CD101: variants seen among roughly 807,000 people sequenced by gnomAD.
The protein encoded by CD101 is immunoglobulin superfamily member 2.
In CD101, 76 loss-of-function variants were observed where a neutral mutation model predicts 98.2. The observed-to-expected ratio is 0.77, with a 90% CI of 0.64 to 0.94. CD101 has a LOEUF of 0.94. CD101 is among the 40% of genes least tolerant of loss of function. CD101 has a pLI of 0.00. For missense variants in CD101, 1,145 were observed against 1,218.8 expected, an observed-to-expected ratio of 0.94 and a Z score of 0.90; for synonymous variants, 471 against 472.7, an observed-to-expected ratio of 1.00 and a Z score of 0.05.
chr1:117,017,575 G>A, intron 5 of CD101, 102 bp downstream of exon 5: 1 of 1,177,802 alleles, frequency 8.5e-7, no homozygotes, highest in Non-Finnish European at 1.2e-6. Context: ...GTGATGGTAT[G>A]TGTACCCTAG....
Position 117,027,962 on chromosome 1 carries a change from G to A in CD101, c.2824+2058G>A, listed in dbSNP as rs1036518734. On this transcript the variant is annotated intron_variant, in intron 8 of 9. Transcript: ENST00000682167. ...TAGCCGGGCATGGTGGCCCATGCCT[G>A]TAATCCCAGCTACTCGGGAGGCTGA... is the stretch of plus-strand genomic sequence containing the variant. Among the ~76,000 whole-genome samples the A allele has an allele frequency of 2.0e-5, 3 of 152,154 alleles. No homozygotes were observed. In the East Asian group the frequency reaches 5.8e-4, roughly 29 times the overall value.
chr1:117,027,634 T>G (rs1198067350), intron 8 of CD101, among the ~76,000 whole-genome samples: 2 of 151,964 alleles, frequency 1.3e-5, no homozygotes, highest in Admixed American at 6.5e-5. Flanking sequence ...ATGAGACCAG[T>G]GAGGAGGGAA....
Position 117,018,329 on chromosome 1 carries a change from A to G in CD101, c.1786A>G (p.Thr596Ala), listed in dbSNP as rs779537029. Residue 596 changes from threonine to alanine, a missense_variant, in exon 6 of 10, where the codon ACC becomes GCC. Coordinates refer to ENST00000682167, the MANE Select transcript of CD101 (RefSeq NM_001256106.3). This position sits in a 1 kb window ranked among gnomAD's most constrained non-coding sequence, Gnocchi z 4.3. ...SHIFHQLIRI[T>A]HNGTIEWGNF... ...CATCTTCCACCAGCTTATTCGAATC[A>G]CCCACAATGGCACTATTGAATGGGG... The G allele has an allele frequency of 1.9e-6, 3 of 1,614,014 alleles. No homozygotes were observed. Among genetic ancestry groups the G allele is most frequent in the Non-Finnish European group, 2.5e-6 (3 of 1,180,022 alleles).
rs1020615667 is a variant in CD101, at chr1:117,018,790, T to C, written c.2017+230T>C. On this transcript the variant is annotated intron_variant, in intron 6 of 9. Transcript: ENST00000682167. This position sits in a 1 kb window ranked among gnomAD's most constrained non-coding sequence, Gnocchi z 4.3. ...ACCTTCCATGCTGGCTAATTGCTGC[T>C]CTCTACCCATTCCCCATTTTCCCCT... 6.6e-6 allele frequency among the ~76,000 whole-genome samples: 1 copy of C among 152,306 alleles called. No individual in the cohort carries two copies. The highest frequency in any genetic ancestry group is 1.5e-5 in the Non-Finnish European group (1 of 68,026).
chr1:117,032,867 T>A (rs1479843906), intron 8 of CD101: 1 of 152,370 alleles, frequency 6.6e-6, no homozygotes, highest in African/African-American at 2.4e-5. Flanking sequence ...TCTGCGTGTG[T>A]ATCTGCTGAT....
chr1:117,009,788 G>A (rs1313965886), intron 1 of CD101, 62 bp from the exon 2 acceptor site: 8 of 1,501,378 alleles, frequency 5.3e-6, no homozygotes, highest in Non-Finnish European at 1.8e-6. Context: ...TACATAACGT[G>A]GTACACTGGG....
Position 117,021,992 on chromosome 1 carries a change from T to C in CD101, c.2428+9T>C. 1 of 1,593,250 alleles carries C rather than the reference T, an allele frequency of 6.3e-7. No homozygotes were observed. Among genetic ancestry groups the C allele is most frequent in the Non-Finnish European group, 8.5e-7 (1 of 1,170,424 alleles). On this transcript the variant is annotated intron_variant, in intron 7 of 9. Transcript: ENST00000682167. This position sits in a 1 kb window ranked among gnomAD's most constrained non-coding sequence, Gnocchi z 4.7. ...GAAACTCAAGCCCACAGGTAAACCT[T>C]GCGAGTGTATCCTCACAATGTCTGT...
At chr1:117,026,358 T>C (rs1024489924) in intron 8 of CD101, 1 of 156,150 alleles carries the variant, frequency 6.4e-6, no homozygotes, top group Non-Finnish European at 1.4e-5. Context: ...TGAGAACATA[T>C]GGGAACATCT....
rs183647576 is a variant in CD101 at position 117,021,538 on chromosome 1, A to G, written c.2018-35A>G. 5.2e-5 allele frequency: 79 copies of G among 1,523,488 alleles called. No individual in the cohort carries two copies. In the Middle Eastern group the frequency reaches 4.6e-3, roughly 88 times the overall value. 94.4% of individuals were successfully genotyped at this position (1,523,488 alleles called of 1,614,324 possible). On this transcript the variant is annotated intron_variant, in intron 6 of 9. Coordinates refer to ENST00000682167, the MANE Select transcript of CD101 (RefSeq NM_001256106.3). The surrounding 1 kb of genome is among the most constrained non-coding windows in gnomAD (Gnocchi z 4.7). ...CTCTACTACCTTAACTTTCTATTTCATAGCAAAGTAACTGTTTCATTTTTT... is the reference window on the plus strand; with the variant it reads ...CTCTACTACCTTAACTTTCTATTTCGTAGCAAAGTAACTGTTTCATTTTTT...
chr1:117,031,556 G>T (rs1654468463), intron 8 of CD101, among the ~76,000 whole-genome samples: 1 of 152,160 alleles, frequency 6.6e-6, no homozygotes, highest in African/African-American at 2.4e-5. Context: ...CCAAGCCTGG[G>T]GTCCCTGTGG....
rs377288960 is a variant in CD101 at position 117,021,650 on chromosome 1, A to T, written c.2095A>T (p.Ile699Phe). Residue 699 changes from isoleucine (I) to phenylalanine (F), a missense_variant, in exon 7 of 10, where the codon ATC becomes TTC. Coordinates refer to ENST00000682167, the MANE Select transcript of CD101 (RefSeq NM_001256106.3). This position sits in a 1 kb window ranked among gnomAD's most constrained non-coding sequence, Gnocchi z 4.7. Reference sequence around the variant, plus strand: ...CTCCAACACTGATATAGAATGTAGCATCTTGTCCCGGTCCAATGGAAACCT... The same window carrying T: ...CTCCAACACTGATATAGAATGTAGCTTCTTGTCCCGGTCCAATGGAAACCT... The part of the protein sequence containing the change: ...INSNTDIECS[I>F]LSRSNGNLQL... 8.1e-5 allele frequency: 130 copies of T among 1,614,006 alleles called. No individual in the cohort carries two copies. Among genetic ancestry groups the T allele is most frequent in the Non-Finnish European group, 1.1e-4 (128 of 1,179,990 alleles).
Position 117,033,895 on chromosome 1 carries a change from C to T in CD101, c.2860C>T (p.Pro954Ser), listed in dbSNP as rs1450368421. The change falls in exon 9 of 10, where the codon CCT becomes TCT. Residue 954 changes from proline (P) to serine (S), a missense_variant. Physicochemically the swap from Pro to Ser is moderately conservative, Grantham distance 74. Coordinates refer to ENST00000682167, the MANE Select transcript of CD101 (RefSeq NM_001256106.3). The surrounding 1 kb of genome is among the most constrained non-coding windows in gnomAD (Gnocchi z 4.8). ...TLPSRICSSA[P>S]LLYFLFICPF... is the part of the protein sequence containing the mutation. The stretch of plus-strand genomic sequence containing the variant: ...TCCTTCCAGGATCTGCTCCTCGGCC[C>T]CTTTACTCTATTTCCTGTTCATCTG... The T allele has an allele frequency of 6.2e-7, 1 of 1,614,164 alleles. No individual in the cohort carries two copies. The highest frequency in any genetic ancestry group is 1.1e-5 in the South Asian group (1 of 91,080).
rs1652478601 is a variant in CD101 at position 117,005,514 on chromosome 1, CT to C, written c.43+3657del. Among the ~76,000 whole-genome samples, 1 of 152,166 alleles carries C rather than the reference CT, an allele frequency of 6.6e-6. No homozygotes were observed. Among genetic ancestry groups the C allele is most frequent in the Non-Finnish European group, 1.5e-5 (1 of 68,028 alleles). On this transcript the variant is annotated intron_variant, in intron 1 of 9. Coordinates refer to ENST00000682167, the MANE Select transcript of CD101 (RefSeq NM_001256106.3). This position sits in a 1 kb window ranked among gnomAD's most constrained non-coding sequence, Gnocchi z 4.4. ...CAGCCTTTGGCAGTGCTGACAAGCC[CT>C]TTCCTCTTAGAATGTTCTTCCCTTG...
At chr1:117,024,904 G>A (rs2764879) in intron 7 of CD101, among the ~76,000 whole-genome samples, 85,485 of 151,934 alleles carry the variant, frequency 0.56, 24,409 homozygotes, top group East Asian at 0.67. Context: ...TGAATCAAGG[G>A]TAAGTAAAAG....
rs1391501553 is a variant in CD101, at chr1:117,012,618, G to A, written c.841+652G>A. On this transcript the variant is annotated intron_variant, in intron 3 of 9. Coordinates refer to ENST00000682167, the MANE Select transcript of CD101 (RefSeq NM_001256106.3). The surrounding 1 kb of genome is among the most constrained non-coding windows in gnomAD (Gnocchi z 4.0). ...GGACAGGATCTTGCTATGTTCCCCA[G>A]GCTGGCCTTGAACTCCGGGGCTCAA... is the stretch of plus-strand genomic sequence containing the variant. Among the ~76,000 whole-genome samples the A allele has an allele frequency of 6.6e-6, 1 of 151,970 alleles. No individual in the cohort carries two copies. The highest frequency in any genetic ancestry group is 2.4e-5 in the African/African-American group (1 of 41,348).
intron 3 of CD101, among the ~76,000 whole-genome samples, 173 bp from the exon 4 acceptor site, chr1:117,013,233 G>A (rs561619626): frequency 2.6e-5 from 4 of 152,132 alleles, no homozygotes; most frequent in South Asian, 2.1e-4. Context: ...AGTCATGAGC[G>A]TTTTTTACTC....
At chr1:117,032,185 C>T (rs1482886000) in intron 8 of CD101, 2 of 152,174 alleles carry the variant, frequency 1.3e-5, no homozygotes, top group East Asian at 1.9e-4. Flanking sequence ...GGCCATGAAC[C>T]TCTGCTGCTC....
Position 117,029,204 on chromosome 1 carries a change from A to AAAGAAAGAAAGAAAGAAGG in CD101, c.2824+3302_2824+3303insGAAAGAAAGAAAGAAGGAA, listed in dbSNP as rs1553188315. ...GAAAGAAAGAAAGAAAGAAAGAAAG[A>AAAGAAAGAAAGAAAGAAGG]AAAGAAAGAAAAGAAAGAAAGAAAG... On this transcript the variant is annotated intron_variant, in intron 8 of 9. Coordinates refer to ENST00000682167, the MANE Select transcript of CD101 (RefSeq NM_001256106.3). Among the ~76,000 whole-genome samples the AAAGAAAGAAAGAAAGAAGG allele has an allele frequency of 2.7e-4, 16 of 58,870 alleles. 1 individual carries two copies. The highest frequency in any genetic ancestry group is 5.8e-4 in the South Asian group (1 of 1,738). 38.6% of individuals were successfully genotyped at this position (58,870 alleles called of 152,430 possible). A position where few individuals can be genotyped will look rare whatever the true frequency, so the allele number is the denominator to read the frequency against.
rs1312556442 is a variant in CD101 at position 117,007,805 on chromosome 1, G to A, written c.44-2045G>A. Among the ~76,000 whole-genome samples the A allele has an allele frequency of 2.0e-5, 3 of 152,186 alleles. No individual in the cohort carries two copies. The East Asian group carries it at 5.8e-4, about 29-fold the overall frequency. Reference sequence around the variant, plus strand: ...GTTTTTGTATCTTGCTTTGAACATAGTCATTCATGTTATTGCAAATAGTTG... The same window carrying A: ...GTTTTTGTATCTTGCTTTGAACATAATCATTCATGTTATTGCAAATAGTTG... On this transcript the variant is annotated intron_variant, in intron 1 of 9. Coordinates refer to ENST00000682167, the MANE Select transcript of CD101 (RefSeq NM_001256106.3).
Sources: allele counts gnomAD v4.1 joint callset (sites outside exome capture counted in the v4.1 genomes callset), GRCh38; gene constraint gnomAD v4.1.1; non-coding constraint Gnocchi (gnomAD v3.1); transcripts MANE v1.5; gene names NCBI Gene and HGNC (gene_info 2026-07-23, HGNC 2026-07-21).